RBFOX1: variants seen among roughly 807,000 people sequenced by gnomAD.
RBFOX1 encodes the protein RNA binding fox-1 homolog 1.
In RBFOX1, 8 loss-of-function variants were observed where a neutral mutation model predicts 57.7. The observed-to-expected ratio is 0.14, with a 90% CI of 0.08 to 0.25. The LOEUF is 0.25. Among genes scored for constraint, RBFOX1 ranks in the 10% least tolerant of loss-of-function variants. The pLI is 1.00. For missense variants in RBFOX1, 611 were observed against 548.5 expected, an observed-to-expected ratio of 1.11 and a Z score of -1.14; for synonymous variants, 326 against 222.4, an observed-to-expected ratio of 1.47 and a Z score of -4.15.
chr16:7,663,483 T>G (rs1597559918), intron 12 of RBFOX1, among the ~76,000 whole-genome samples: 1 of 149,816 alleles, frequency 6.7e-6, no homozygotes, highest in Non-Finnish European at 1.5e-5. Context: ...GTGTCACAGC[T>G]GCGTGTGTGT....
intron 2 of RBFOX1, among the ~76,000 whole-genome samples, chr16:5,521,121 T>C (rs543237518): frequency 5.9e-5 from 9 of 152,230 alleles, no homozygotes; most frequent in Non-Finnish European, 1.3e-4. Flanking sequence ...CCCCTATCTG[T>C]TTGGGTGGTT....
chr16:7,265,958 G>GTTTTTTTTTTTTTTTTTT lies in RBFOX1; in HGVS notation c.27+213865_27+213866insTTTTTTTTTTTTTTTTTT, dbSNP rs201372502. 1.9e-5 allele frequency among the ~76,000 whole-genome samples: 2 copies of GTTTTTTTTTTTTTTTTTT among 107,604 alleles called. 1 individual carries two copies. Among genetic ancestry groups the GTTTTTTTTTTTTTTTTTT allele is most frequent in the African/African-American group, 9.2e-5 (2 of 21,738 alleles). 70.6% of individuals were successfully genotyped at this position (107,604 alleles called of 152,430 possible). ...GTGAGTGAGTTATGAGATCTGGTGGGTTTTTGTTTTTTTTTTTTTTTTTTT... is the reference window on the plus strand; with the variant it reads ...GTGAGTGAGTTATGAGATCTGGTGGGTTTTTTTTTTTTTTTTTTTTTTTGTTTTTTTTTTTTTTTTTTT... On this transcript the variant is annotated intron_variant, in intron 4 of 15. Coordinates refer to ENST00000550418, the MANE Select transcript of RBFOX1 (RefSeq NM_018723.4).
At position 5,579,845 on chromosome 16, in the gene RBFOX1, C is replaced by T. The variant is rs538332932; in HGVS notation, c.259-19057C>T. ...CTCGATCTCAGCTCACTGCAACCTC[C>T]GCCTCCCGGGTTCAAGCTATTCTCC... On this transcript the variant is annotated intron_variant, in intron 2 of 2. Coordinates refer to the RBFOX1 transcript ENST00000585867. Among the ~76,000 whole-genome samples the T allele has an allele frequency of 4.6e-5, 7 of 151,980 alleles. 1 individual carries two copies. Among genetic ancestry groups the T allele is most frequent in the East Asian group, 1.9e-4 (1 of 5,156 alleles).
intron 3 of RBFOX1, among the ~76,000 whole-genome samples, chr16:5,750,831 G>GC (rs1371302916): frequency 1.3e-5 from 2 of 152,178 alleles, no homozygotes; most frequent in East Asian, 3.8e-4. Flanking sequence ...TCGATGCCTC[G>GC]CCCTGCTTCG....
intron 1 of RBFOX1, among the ~76,000 whole-genome samples, chr16:5,425,111 A>ATCTATTTATCTG (rs2067515427): frequency 7.5e-6 from 1 of 134,020 alleles, no homozygotes; most frequent in African/African-American, 3.0e-5. Context: ...CTATCTATCT[A>ATCTATTTATCTG]TCTATCTATC....
At chr16:5,967,105 C>T (rs191481971) in intron 4 of RBFOX1, among the ~76,000 whole-genome samples, 9 of 150,550 alleles carry the variant, frequency 6.0e-5, no homozygotes, top group Middle Eastern at 3.4e-3. Flanking sequence ...GCTGCTTCTT[C>T]GAGTTAACAA....
intron 2 of RBFOX1, among the ~76,000 whole-genome samples, chr16:6,333,838 A>G (rs2083321901): frequency 6.6e-6 from 1 of 152,192 alleles, no homozygotes; most frequent in South Asian, 2.1e-4. Flanking sequence ...TAATAAAGTG[A>G]TTTTTCATAT....
intron 4 of RBFOX1, among the ~76,000 whole-genome samples, chr16:7,190,993 G>A (rs111538210): frequency 0.012 from 1,759 of 151,960 alleles, 32 homozygotes; most frequent in African/African-American, 0.04. Flanking sequence ...CCAGGAATGC[G>A]AAGTGTATGC....
intron 2 of RBFOX1, among the ~76,000 whole-genome samples, chr16:5,578,815 C>A (rs1477514726): frequency 1.3e-5 from 2 of 149,094 alleles, no homozygotes; most frequent in African/African-American, 5.0e-5. Flanking sequence ...AGTACTAGCG[C>A]ATGAAACCTC....
intron 4 of RBFOX1, among the ~76,000 whole-genome samples, chr16:7,259,740 C>G (rs1281269231): frequency 2.0e-5 from 3 of 152,022 alleles, no homozygotes; most frequent in Non-Finnish European, 4.4e-5. Flanking sequence ...GTAACAATGC[C>G]ACATGCTTTA....
At position 6,814,588 on chromosome 16, in the gene RBFOX1, A is replaced by G. The variant is rs571123342; in HGVS notation, c.-16+159938A>G. ...CTGATGAGCATGATAGATGCGAATC[A>G]CAGAGATTCTCAAGTAAATGGCAGT... On this transcript the variant is annotated intron_variant, in intron 3 of 15. Transcript: ENST00000550418. 2.6e-3 allele frequency among the ~76,000 whole-genome samples: 403 copies of G among 152,284 alleles called. 1 individual carries two copies. Among genetic ancestry groups the G allele is most frequent in the African/African-American group, 9.5e-3 (394 of 41,560 alleles).
chr16:6,764,575 A>C (rs1197058787), intron 3 of RBFOX1, among the ~76,000 whole-genome samples: 1 of 152,196 alleles, frequency 6.6e-6, no homozygotes, highest in Non-Finnish European at 1.5e-5. Context: ...CATGGGACTT[A>C]CATTCTACTT....
chr16:6,639,295 A>G (rs906261150), intron 2 of RBFOX1, among the ~76,000 whole-genome samples: 1 of 152,098 alleles, frequency 6.6e-6, no homozygotes, highest in African/African-American at 2.4e-5. Context: ...AGGAAGTGAA[A>G]TATTCAATTA....
chr16:7,185,187 C>T (rs921752468), intron 4 of RBFOX1, among the ~76,000 whole-genome samples: 5 of 144,950 alleles, frequency 3.4e-5, no homozygotes, highest in Admixed American at 6.7e-5. Context: ...ATAAATTTCA[C>T]ATTATACCTC....
Position 7,571,471 on chromosome 16 carries a change from G to A in RBFOX1, c.271-8306G>A, listed in dbSNP as rs193064523. ...CAGAGCTATTCATTGAATTAGGAAC[G>A]ATTATAGCAGAGGGAGCCCCGTGGT... On this transcript the variant is annotated intron_variant, in intron 5 of 15. Coordinates refer to ENST00000550418, the MANE Select transcript of RBFOX1 (RefSeq NM_018723.4). 5.9e-5 allele frequency among the ~76,000 whole-genome samples: 9 copies of A among 152,334 alleles called. No homozygotes were observed. The East Asian group carries it at 9.6e-4, about 16-fold the overall frequency.
rs564404696 is a variant in RBFOX1, at chr16:7,114,774, C to G, written c.27+62676C>G. On this transcript the variant is annotated intron_variant, in intron 4 of 15. Transcript: ENST00000550418. ...CTTTGCTTTCTGTTTACATGTGCTT[C>G]TCTGTCTTGCTAACTCGTTGTCCTA... Among the ~76,000 whole-genome samples the G allele has an allele frequency of 1.5e-4, 23 of 152,268 alleles. No individual in the cohort carries two copies. The South Asian group carries it at 4.6e-3, about 30-fold the overall frequency.
At chr16:6,607,488 T>C (rs965936417) in intron 2 of RBFOX1, among the ~76,000 whole-genome samples, 3 of 146,176 alleles carry the variant, frequency 2.1e-5, no homozygotes, top group African/African-American at 7.6e-5. Context: ...TCCTTACTCT[T>C]TCTTCCTCTC....
chr16:7,036,965 A>G (rs1474375966), intron 3 of RBFOX1, among the ~76,000 whole-genome samples: 1 of 152,110 alleles, frequency 6.6e-6, no homozygotes, highest in Admixed American at 6.5e-5. Context: ...TCCCCTTTTT[A>G]GATCATACAG....
chr16:6,345,209 T>C (rs2085188991), intron 2 of RBFOX1, among the ~76,000 whole-genome samples: 1 of 152,132 alleles, frequency 6.6e-6, no homozygotes, highest in South Asian at 2.1e-4. Flanking sequence ...AGGAGGGTTC[T>C]TGGCTTTACC....
Sources: allele counts gnomAD v4.1 joint callset (sites outside exome capture counted in the v4.1 genomes callset), GRCh38; gene constraint gnomAD v4.1.1; transcripts MANE v1.5; gene names NCBI Gene and HGNC (gene_info 2026-07-23, HGNC 2026-07-21).